Variants in MGAT4C observed in about 807,000 individuals in gnomAD.
The protein encoded by MGAT4C is alpha-1,3-mannosyl-glycoprotein 4-beta-N-acetylglucosaminyltransferase C.
Under a neutral mutation model 40.1 loss-of-function variants are expected in MGAT4C, and 19 were observed. The ratio of observed to expected loss-of-function variants is 0.47; its 90% confidence interval spans 0.33 to 0.70. MGAT4C has a LOEUF of 0.70. Among genes scored for constraint, MGAT4C ranks in the 30% least tolerant of loss-of-function variants. MGAT4C has a pLI of 0.02. For synonymous variants in MGAT4C, 181 were observed against 187.1 expected, an observed-to-expected ratio of 0.97 and a Z score of 0.27; for missense variants, 491 against 563.2, an observed-to-expected ratio of 0.87 and a Z score of 1.30.
chr12:86,638,273 C>A (rs143668475), intron 2 of MGAT4C, among the ~76,000 whole-genome samples: 10 of 151,880 alleles, frequency 6.6e-5, no homozygotes, highest in East Asian at 1.9e-4. Context: ...TTTTGAGGAG[C>A]TTTGTTGAGC....
chr12:86,483,893 A>C (rs1957975419), intron 2 of MGAT4C, among the ~76,000 whole-genome samples: 1 of 149,584 alleles, frequency 6.7e-6, no homozygotes, highest in Non-Finnish European at 1.5e-5. Context: ...AATATCAAGT[A>C]CACCAACATA....
intron 3 of MGAT4C, among the ~76,000 whole-genome samples, chr12:86,388,946 A>C (rs548203623): frequency 6.6e-6 from 1 of 152,138 alleles, no homozygotes; most frequent in African/African-American, 2.4e-5. Flanking sequence ...GGCCTCCCAA[A>C]GTGCTGAGAT....
At chr12:86,045,981 C>G (rs767680138) in intron 2 of MGAT4C, among the ~76,000 whole-genome samples, 8 of 152,122 alleles carry the variant, frequency 5.3e-5, no homozygotes, top group Non-Finnish European at 1.0e-4. Context: ...TATGGTTTTA[C>G]CTGAACACTT....
intron 2 of MGAT4C, among the ~76,000 whole-genome samples, chr12:86,642,017 C>A (rs1342251958): frequency 6.6e-6 from 1 of 151,608 alleles, no homozygotes; most frequent in Admixed American, 6.6e-5. Context: ...TCAGGAGGAC[C>A]ATATCTTATT....
At chr12:86,811,691 A>C (rs181109518) in intron 1 of MGAT4C, among the ~76,000 whole-genome samples, 3 of 151,358 alleles carry the variant, frequency 2.0e-5, no homozygotes, top group Admixed American at 6.6e-5. Context: ...CCCCAATTTC[A>C]TTTCTCATAT....
intron 3 of MGAT4C, among the ~76,000 whole-genome samples, chr12:86,372,542 T>C (rs1177212573): frequency 6.6e-6 from 1 of 151,888 alleles, no homozygotes; most frequent in Non-Finnish European, 1.5e-5. Flanking sequence ...TCTTCTGAAA[T>C]AATAAAAAGT....
chr12:86,483,040 A>C (rs1276315869), intron 2 of MGAT4C, among the ~76,000 whole-genome samples: 3 of 152,192 alleles, frequency 2.0e-5, no homozygotes, highest in Non-Finnish European at 4.4e-5. Flanking sequence ...AGACTGGGTG[A>C]TTGTAAACTA....
rs936194523 is a variant in MGAT4C, at chr12:85,957,795, G to A, written c.*21494C>T. On this transcript the variant is annotated 3_prime_UTR_variant, in exon 5 of 5. Coordinates refer to ENST00000611864, the MANE Select transcript of MGAT4C (RefSeq NM_001351288.2). ...AATCGGTCAGGGTAGTGCAGGTGGT[G>A]CATGCATTTAATAATAGTTTAAGAT... is the stretch of plus-strand genomic sequence containing the variant. The A allele has an allele frequency of 6.6e-6, 1 of 151,600 alleles. No homozygotes were observed. Among genetic ancestry groups the A allele is most frequent in the Non-Finnish European group, 1.5e-5 (1 of 67,850 alleles). 9.4% of individuals were successfully genotyped at this position (151,600 alleles called of 1,614,324 possible). A position where few individuals can be genotyped will look rare whatever the true frequency, so the allele number is the denominator to read the frequency against.
intron 1 of MGAT4C, among the ~76,000 whole-genome samples, chr12:86,831,280 G>A (rs995173420): frequency 2.0e-5 from 3 of 151,584 alleles, no homozygotes; most frequent in Non-Finnish European, 4.4e-5. Flanking sequence ...TCTGAAGCTC[G>A]AATCATTCTG....
At position 86,785,547 on chromosome 12, in the gene MGAT4C, T is replaced by A. The variant is rs186112267; in HGVS notation, c.-262+53119A>T. ...CCTCACAAAGCACAATTTTCTGGAA[T>A]ATGGAACAAATTAAAACCTTTTTTA... On this transcript the variant is annotated intron_variant, in intron 1 of 7. Transcript: ENST00000548651. Among the ~76,000 whole-genome samples the A allele has an allele frequency of 8.1e-4, 123 of 152,038 alleles. 3 individuals are homozygous for A. The highest frequency in any genetic ancestry group is 1.8e-3 in the African/African-American group (74 of 41,548).
chr12:86,745,821 C>A (rs1951144427), intron 1 of MGAT4C, among the ~76,000 whole-genome samples: 1 of 151,542 alleles, frequency 6.6e-6, no homozygotes, highest in South Asian at 2.1e-4. Flanking sequence ...TGACTGAATA[C>A]CCCCACATGA....
intron 4 of MGAT4C, among the ~76,000 whole-genome samples, chr12:86,332,977 G>T (rs1465939438): frequency 6.6e-6 from 1 of 152,104 alleles, no homozygotes. Flanking sequence ...AGCAGAAAAA[G>T]GCTATATGAA....
At chr12:86,122,458 GTTA>G (rs1879521490) in intron 1 of MGAT4C, among the ~76,000 whole-genome samples, 1 of 152,034 alleles carries the variant, frequency 6.6e-6, no homozygotes, top group Admixed American at 6.6e-5. Flanking sequence ...TATGCAAAAA[GTTA>G]TTATAATTGT....
intron 2 of MGAT4C, among the ~76,000 whole-genome samples, chr12:85,996,822 A>G (rs1886678510): frequency 6.6e-6 from 1 of 152,228 alleles, no homozygotes; most frequent in Non-Finnish European, 1.5e-5. Flanking sequence ...GAATAAATAA[A>G]TTCATTCATT....
intron 2 of MGAT4C, among the ~76,000 whole-genome samples, chr12:86,454,999 A>G (rs1957487916): frequency 6.6e-6 from 1 of 152,042 alleles, no homozygotes; most frequent in Non-Finnish European, 1.5e-5. Context: ...TTTTAAGTTG[A>G]TCACTAAGTC....
intron 2 of MGAT4C, among the ~76,000 whole-genome samples, chr12:86,585,471 T>A (rs1369101181): frequency 6.6e-6 from 1 of 151,418 alleles, no homozygotes; most frequent in Non-Finnish European, 1.5e-5. Flanking sequence ...ACATATTACA[T>A]TAATTAAAAA....
At chr12:86,628,302 A>T (rs1195486112) in intron 2 of MGAT4C, among the ~76,000 whole-genome samples, 1 of 152,196 alleles carries the variant, frequency 6.6e-6, no homozygotes, top group African/African-American at 2.4e-5. Flanking sequence ...GGGAGAATGG[A>T]ACTAAGCTGG....
intron 1 of MGAT4C, among the ~76,000 whole-genome samples, chr12:86,803,721 A>C (rs1261101220): frequency 6.6e-6 from 1 of 150,838 alleles, no homozygotes; most frequent in African/African-American, 2.4e-5. Context: ...ATGAGATACC[A>C]TCTCACACCA....
chr12:86,215,527 G>T (rs1417739410), intron 1 of MGAT4C, among the ~76,000 whole-genome samples: 3 of 152,040 alleles, frequency 2.0e-5, no homozygotes, highest in African/African-American at 7.2e-5. Flanking sequence ...TTAGCCAATG[G>T]CAGGCTGCCA....
Sources: gnomAD v4.1 joint callset for allele counts (sites outside exome capture counted in the v4.1 genomes callset) on GRCh38, gnomAD v4.1.1 for gene constraint, MANE v1.5 for transcripts, NCBI Gene and HGNC (gene_info 2026-07-23, HGNC 2026-07-21) for gene names.